Variants in GAS2L2 observed in about 807,000 individuals in gnomAD.
GAS2L2 encodes GAS2-like protein 2.
GAS2L2 carries 21 observed loss-of-function variants against 35.2 expected under a neutral mutation model. The ratio of observed to expected loss-of-function variants is 0.60; its 90% CI spans 0.42 to 0.86. The LOEUF is 0.86. Among genes scored for constraint, GAS2L2 ranks in the 40% least tolerant of loss-of-function variants. GAS2L2 has a pLI of 0.00. For missense variants in GAS2L2, 1,169 were observed against 1,144.4 expected (o/e 1.02, Z -0.31); for synonymous variants, 490 against 473.2 (o/e 1.04, Z -0.46).
chr17:35,747,023 A>T lies in GAS2L2; in HGVS notation c.1078T>A (p.Phe360Ile), dbSNP rs782493837. The change falls in exon 5 of 6, where the codon TTC becomes ATC. Residue 360 changes from phenylalanine to isoleucine, a missense_variant. By Grantham distance (21) the Phe-to-Ile change is conservative. Transcript: ENST00000604641. Reference sequence around the variant, plus strand: ...CCTGTCTCTTCCCCATACCTCAGGAATGGTGCCATCTCTCTGGAGGCCCCC... The same window carrying T: ...CCTGTCTCTTCCCCATACCTCAGGATTGGTGCCATCTCTCTGGAGGCCCCC... ...GTGASREMAP[F>I]LRCQERSLIP... The T allele has an allele frequency of 3.2e-6, 5 of 1,571,374 alleles. No homozygotes were observed. The South Asian group carries it at 4.7e-5, about 15-fold the overall frequency.
Position 35,752,759 on chromosome 17 carries a change from A to C in GAS2L2, c.92T>G (p.Leu31Arg), listed in dbSNP as rs782280819. 6.2e-7 allele frequency: 1 copy of C among 1,613,908 alleles called. No homozygotes were observed. The highest frequency in any genetic ancestry group is 8.5e-7 in the Non-Finnish European group (1 of 1,180,032). Residue 31 changes from leucine to arginine, a missense_variant, in exon 1 of 6, where the codon CTG (leucine) becomes CGG (arginine). Leu to Arg is a moderately radical substitution (Grantham distance 102). Around this residue, in one of 3 missense-constraint regions of GAS2L2, gnomAD observed 127 missense variants for 146.1 expected, o/e 0.87. Transcript: ENST00000604641. ...IRPFKSSEQYLEAMKEDLAEW... is the reference protein window; with the variant it reads ...IRPFKSSEQYREAMKEDLAEW... ...AGCCAGGTCTTCCTTCATGGCCTCC[A>C]GGTACTGCTCACTCGACTTGAAAGG...
intron 2 of GAS2L2, 80 bp downstream of exon 2, chr17:35,749,997 G>T: frequency 2.1e-6 from 3 of 1,407,778 alleles, no homozygotes; most frequent in Non-Finnish European, 2.9e-6. Flanking sequence ...GTGGGTTAGT[G>T]GGGGCTGGAG....
chr17:35,745,949 TCC>T lies in GAS2L2; in HGVS notation c.1546_1547del (p.Gly516LysfsTer87). On this transcript the variant is annotated frameshift_variant, in exon 6 of 6. Coordinates refer to ENST00000604641, the MANE Select transcript of GAS2L2 (RefSeq NM_139285.4). LOFTEE classifies it low-confidence loss of function (END_TRUNC). Reference sequence around the variant, plus strand: ...CACTTGTAGCACCAGGAAAGCTCCTTCCTGGTGTTGGGGGGCGAGCAGGGGGC... The same window carrying T: ...CACTTGTAGCACCAGGAAAGCTCCTTTGGTGTTGGGGGGCGAGCAGGGGGC... ...RLPPARPPTP[G>X]RSFPGATSGS... is the part of the protein sequence containing the mutation. 2 of 1,608,730 alleles carry T rather than the reference TCC, an allele frequency of 1.2e-6. No homozygotes were observed. Among genetic ancestry groups the T allele is most frequent in the Non-Finnish European group, 1.7e-6 (2 of 1,176,404 alleles).
At chr17:35,750,558 C>A (rs587638929) in intron 1 of GAS2L2, among the ~76,000 whole-genome samples, 3 of 152,132 alleles carry the variant, frequency 2.0e-5, no homozygotes, top group Non-Finnish European at 4.4e-5. Context: ...GGAGAGGCTG[C>A]GGGTGAGAAG....
chr17:35,746,420 G>A lies in GAS2L2; in HGVS notation c.1086-9C>T. ...GAGACCTCTCCTGGCACCTGAAAGG[G>A]AGAATCACAAGGCTGCAAAGGGAGA... On this transcript the variant is annotated splice_polypyrimidine_tract_variant and intron_variant, in intron 5 of 5. Coordinates refer to ENST00000604641, the MANE Select transcript of GAS2L2 (RefSeq NM_139285.4). 10 of 1,331,608 alleles carry A rather than the reference G, an allele frequency of 7.5e-6. No homozygotes were observed. The highest frequency in any genetic ancestry group is 9.7e-6 in the Non-Finnish European group (10 of 1,031,364). The allele number at this position is 1,331,608 out of a possible 1,614,324, so 82.5% of individuals were successfully genotyped here.
At chr17:35,751,822 C>G (rs2085704928) in intron 1 of GAS2L2, among the ~76,000 whole-genome samples, 1 of 144,724 alleles carries the variant, frequency 6.9e-6, no homozygotes, top group Non-Finnish European at 1.5e-5. Context: ...ATTTATGTAT[C>G]TATCCCTCTA....
At chr17:35,748,136 G>T (rs1258653803) in intron 3 of GAS2L2, among the ~76,000 whole-genome samples, 191 bp from the exon 4 acceptor site, 1 of 152,208 alleles carries the variant, frequency 6.6e-6, no homozygotes, top group African/African-American at 2.4e-5. Flanking sequence ...AACACATGCG[G>T]TCAAGGTGGG....
At chr17:35,747,426 TA>T (rs1231912101) in intron 4 of GAS2L2, among the ~76,000 whole-genome samples, 158 bp from the exon 5 acceptor site, 2 of 152,094 alleles carry the variant, frequency 1.3e-5, no homozygotes, top group African/African-American at 4.8e-5. Context: ...GGGAGGGGCT[TA>T]GGGGACCCAG....
rs587677179 is a variant in GAS2L2 at position 35,748,894 on chromosome 17, C to T, written c.735+216G>A. The stretch of plus-strand genomic sequence containing the variant: ...TTGCCAGGAATCTCCTGGAATTCTC[C>T]CAGGGTGAGAAGGAGAGCTCCAAGG... On this transcript the variant is annotated intron_variant, in intron 3 of 5. Transcript: ENST00000604641. Among the ~76,000 whole-genome samples, 44 of 152,268 alleles carry T rather than the reference C, an allele frequency of 2.9e-4. No homozygotes were observed. In the South Asian group the frequency reaches 8.1e-3, roughly 28 times the overall value.
chr17:35,752,995 G>T lies in GAS2L2; in HGVS notation c.-145C>A, dbSNP rs1195380556. On this transcript the variant is annotated 5_prime_UTR_variant, in exon 1 of 6. Coordinates refer to ENST00000604641, the MANE Select transcript of GAS2L2 (RefSeq NM_139285.4). The stretch of plus-strand genomic sequence containing the variant: ...CTGAGAGCCCGGGACCTCCAGTGCT[G>T]CTACTTGCCACTGGCTTCAGCTGCC... The T allele has an allele frequency of 5.9e-6, 5 of 848,334 alleles. No homozygotes were observed. Among genetic ancestry groups the T allele is most frequent in the Non-Finnish European group, 8.8e-6 (5 of 565,342 alleles). The allele number at this position is 848,334 out of a possible 1,614,324, so 52.6% of individuals were successfully genotyped here.
At position 35,752,940 on chromosome 17, in the gene GAS2L2, C is replaced by A; in HGVS notation, c.-90G>T. 5 of 1,378,726 alleles carry A rather than the reference C, an allele frequency of 3.6e-6. No homozygotes were observed. The highest frequency in any genetic ancestry group is 4.9e-6 in the Non-Finnish European group (5 of 1,030,890). 85.4% of individuals were successfully genotyped at this position (1,378,726 alleles called of 1,614,324 possible). ...GCTGCTGCTGGGTCTCGGCTGGGTT[C>A]TTCCTGATTCTGAGGTTCCCGTGTA... On this transcript the variant is annotated 5_prime_UTR_variant, in exon 1 of 6. Coordinates refer to ENST00000604641, the MANE Select transcript of GAS2L2 (RefSeq NM_139285.4).
At chr17:35,747,718 C>T (rs2085677642) in intron 4 of GAS2L2, 131 bp downstream of exon 4, 2 of 713,770 alleles carry the variant, frequency 2.8e-6, no homozygotes, top group Non-Finnish European at 4.9e-6. Flanking sequence ...CTCCAGCCTC[C>T]CCCACACCTC....
At position 35,745,949 on chromosome 17, in the gene GAS2L2, T is replaced by TGGGGG; in HGVS notation, c.1547_1548insCCCCC (p.Arg517ProfsTer24). The TGGGGG allele has an allele frequency of 1.2e-6, 2 of 1,608,730 alleles. No individual in the cohort carries two copies. Among genetic ancestry groups the TGGGGG allele is most frequent in the Non-Finnish European group, 1.7e-6 (2 of 1,176,404 alleles). On this transcript the variant is annotated frameshift_variant, in exon 6 of 6. Transcript: ENST00000604641. LOFTEE classifies it low-confidence loss of function (END_TRUNC). ...CACTTGTAGCACCAGGAAAGCTCCT[T>TGGGGG]CCTGGTGTTGGGGGGCGAGCAGGGG...
In GAS2L2 at chr17:35,749,226, G is replaced by A. The variant is rs782176095; in HGVS notation, c.628-9C>T. On this transcript the variant is annotated splice_polypyrimidine_tract_variant and intron_variant, in intron 2 of 5. Coordinates refer to ENST00000604641, the MANE Select transcript of GAS2L2 (RefSeq NM_139285.4). The stretch of plus-strand genomic sequence containing the variant: ...CTCACAAGGCTCTGCACCTGCGGGC[G>A]GGTGGTGAACTCAGCCCTCTCCTTT... 50 of 1,595,526 alleles carry A rather than the reference G, an allele frequency of 3.1e-5. No homozygotes were observed. The highest frequency in any genetic ancestry group is 5.0e-5 in the Admixed American group (3 of 59,700).
intron 5 of GAS2L2, among the ~76,000 whole-genome samples, chr17:35,746,749 T>C (rs1254642057): frequency 6.6e-6 from 1 of 152,174 alleles, no homozygotes; most frequent in African/African-American, 2.4e-5. Context: ...AGTCTCTGTC[T>C]TAGTCTCTGC....
chr17:35,746,274 G>A lies in GAS2L2; in HGVS notation c.1223C>T (p.Pro408Leu), dbSNP rs1555598979. The A allele has an allele frequency of 2.1e-6, 3 of 1,451,528 alleles. No individual in the cohort carries two copies. Among genetic ancestry groups the A allele is most frequent in the Admixed American group, 2.5e-5 (1 of 40,240 alleles). The allele number at this position is 1,451,528 out of a possible 1,614,324, so 89.9% of individuals were successfully genotyped here. A position where few individuals can be genotyped will look rare whatever the true frequency, so the allele number is the denominator to read the frequency against. ...AATCCTTCCCCTGGGGAGTTCAGGG[G>A]GGTATCTCTCCTCCCTCTTTCCTGA... is the stretch of plus-strand genomic sequence containing the variant. ...TSSGKREERY[P>L]PELPRGRIPT... Residue 408 changes from proline (P) to leucine (L), a missense_variant, in exon 6 of 6, where the codon CCC (proline) becomes CTC (leucine). This residue lies in a region of GAS2L2 where 1,035 missense variants were observed against 976.5 expected (regional missense o/e 1.06). Transcript: ENST00000604641.
Position 35,750,070 on chromosome 17 carries a change from C to T in GAS2L2, c.627+7G>A. 6.2e-7 allele frequency: 1 copy of T among 1,603,192 alleles called. No homozygotes were observed. Among genetic ancestry groups the T allele is most frequent in the Non-Finnish European group, 8.5e-7 (1 of 1,176,070 alleles). ...GGGGCCCTGAGGGCGTGTGCAGAGCCCCTCACCATCTGGTCCAGGTTGCGG... is the reference window on the plus strand; with the variant it reads ...GGGGCCCTGAGGGCGTGTGCAGAGCTCCTCACCATCTGGTCCAGGTTGCGG... On this transcript the variant is annotated splice_region_variant and intron_variant, in intron 2 of 5. Coordinates refer to ENST00000604641, the MANE Select transcript of GAS2L2 (RefSeq NM_139285.4).
At chr17:35,748,319 T>A (rs2085682404) in intron 3 of GAS2L2, among the ~76,000 whole-genome samples, 2 of 152,228 alleles carry the variant, frequency 1.3e-5, no homozygotes, top group African/African-American at 4.8e-5. Context: ...GGAGTCCTGG[T>A]CCCACTCCAC....
At position 35,745,474 on chromosome 17, in the gene GAS2L2, C is replaced by T; in HGVS notation, c.2023G>A (p.Ala675Thr). ...LLKVDLEAWKAAPTGSPKPAV... is the reference protein window; with the variant it reads ...LLKVDLEAWKTAPTGSPKPAV... ...GGCTTAGGGGAGCCAGTCGGGGCTG[C>T]CTTCCAGGCTTCCAGGTCCACTTTA... is the stretch of plus-strand genomic sequence containing the variant. The change falls in exon 6 of 6, where the codon GCA (alanine) becomes ACA (threonine). Residue 675 changes from alanine (A) to threonine (T), a missense_variant. Coordinates refer to ENST00000604641, the MANE Select transcript of GAS2L2 (RefSeq NM_139285.4). 1.3e-6 allele frequency: 2 copies of T among 1,595,100 alleles called. No individual in the cohort carries two copies. The highest frequency in any genetic ancestry group is 1.7e-6 in the Non-Finnish European group (2 of 1,168,896).
Sources: allele counts gnomAD v4.1 joint callset (sites outside exome capture counted in the v4.1 genomes callset), GRCh38; gene constraint gnomAD v4.1.1; regional missense constraint gnomAD v4.1.1; transcripts MANE v1.5; gene names NCBI Gene and HGNC (gene_info 2026-07-23, HGNC 2026-07-21).